Variants in MAF observed in about 807,000 individuals in gnomAD.
MAF encodes the protein transcription factor Maf.
Under a neutral mutation model 22.0 loss-of-function variants are expected in MAF, and 10 were observed. That is an observed-to-expected ratio of 0.45 (90% confidence interval 0.28 to 0.77). MAF has a LOEUF of 0.77. Among genes scored for constraint, MAF ranks in the 30% least tolerant of loss-of-function variants. The pLI is 0.12. For missense variants in MAF, 544 were observed against 548.4 expected, an observed-to-expected ratio of 0.99 and a Z score of 0.08; for synonymous variants, 337 against 255.8, an observed-to-expected ratio of 1.32 and a Z score of -3.03.
chr16:79,366,055 C>T, the MAF span, among the ~76,000 whole-genome samples: 1 of 152,108 alleles, frequency 6.6e-6, no homozygotes, highest in African/African-American at 2.4e-5. Flanking sequence ...CTCTATAAAA[C>T]CATTTAAGTT....
At chr16:79,367,001 T>G in the MAF span, among the ~76,000 whole-genome samples, 1 of 152,178 alleles carries the variant, frequency 6.6e-6, no homozygotes, top group Non-Finnish European at 1.5e-5. Context: ...TCCTAACTCC[T>G]CATGAAAATG....
At chr16:79,404,682 G>T in the MAF span, among the ~76,000 whole-genome samples, 7 of 151,622 alleles carry the variant, frequency 4.6e-5, no homozygotes, top group Non-Finnish European at 1.0e-4. Flanking sequence ...TTAACTGTGA[G>T]TGAGACTGGG....
chr16:79,573,484 C>G, the MAF span, among the ~76,000 whole-genome samples: 1 of 152,184 alleles, frequency 6.6e-6, no homozygotes, highest in Non-Finnish European at 1.5e-5. Flanking sequence ...TTTCTTCCCC[C>G]ATATCTTCTG....
chr16:79,268,192 C>T, the MAF span, among the ~76,000 whole-genome samples: 1 of 152,054 alleles, frequency 6.6e-6, no homozygotes, highest in Non-Finnish European at 1.5e-5. Flanking sequence ...GCTTCCCAGC[C>T]CTGGGGTTGG....
the MAF span, among the ~76,000 whole-genome samples, chr16:79,215,681 C>A: frequency 7.2e-5 from 11 of 152,164 alleles, no homozygotes; most frequent in Non-Finnish European, 1.5e-4. Flanking sequence ...ATCAAGATTT[C>A]CAAGTCATAT....
chr16:79,444,924 G>T, the MAF span, among the ~76,000 whole-genome samples: 2 of 152,214 alleles, frequency 1.3e-5, no homozygotes, highest in East Asian at 3.8e-4. Flanking sequence ...ACACCCAACA[G>T]ATAGGAACAG....
At chr16:79,508,278 T>A in the MAF span, among the ~76,000 whole-genome samples, 1 of 152,312 alleles carries the variant, frequency 6.6e-6, no homozygotes, top group Non-Finnish European at 1.5e-5. Context: ...TCAGGTCTTC[T>A]GGCTTCTTGT....
chr16:79,352,918 G>A, the MAF span, among the ~76,000 whole-genome samples: 1 of 152,074 alleles, frequency 6.6e-6, no homozygotes, highest in African/African-American at 2.4e-5. Flanking sequence ...GAATCAAGTG[G>A]GATATGGTGC....
the MAF span, among the ~76,000 whole-genome samples, chr16:79,490,763 G>T: frequency 6.6e-6 from 1 of 152,128 alleles, no homozygotes; most frequent in Non-Finnish European, 1.5e-5. Flanking sequence ...GTTTTGTACT[G>T]AGAACAAAAC....
the MAF span, among the ~76,000 whole-genome samples, chr16:79,279,675 G>C: frequency 2.0e-5 from 3 of 152,176 alleles, no homozygotes; most frequent in African/African-American, 7.2e-5. Context: ...ACCGTGGCCA[G>C]TTCCTCTCCT....
the MAF span, among the ~76,000 whole-genome samples, chr16:79,381,599 G>T: frequency 6.6e-6 from 1 of 152,176 alleles, no homozygotes; most frequent in East Asian, 1.9e-4. Flanking sequence ...CCTGGCCCTG[G>T]GAGAGTCGGG....
At chr16:79,345,305 A>T in the MAF span, among the ~76,000 whole-genome samples, 3 of 152,208 alleles carry the variant, frequency 2.0e-5, no homozygotes, top group Non-Finnish European at 4.4e-5. Context: ...GCTCAAAATC[A>T]ATTTTGTTTA....
At chr16:79,560,849 G>A in the MAF span, among the ~76,000 whole-genome samples, 62 of 152,312 alleles carry the variant, frequency 4.1e-4, no homozygotes, top group Middle Eastern at 3.4e-3. Context: ...CTTCAGTGAC[G>A]AGGTGTGGCG....
At chr16:79,576,789 T>A in the MAF span, among the ~76,000 whole-genome samples, 1 of 152,136 alleles carries the variant, frequency 6.6e-6, no homozygotes, top group East Asian at 1.9e-4. Flanking sequence ...TACATTATCA[T>A]ATTTAATCCA....
the MAF span, among the ~76,000 whole-genome samples, chr16:79,367,857 T>A: frequency 6.6e-6 from 1 of 152,250 alleles, no homozygotes; most frequent in Non-Finnish European, 1.5e-5. Context: ...CTTCTGCAAG[T>A]CCTGTGCATA....
the MAF span, among the ~76,000 whole-genome samples, chr16:79,235,841 G>T: frequency 6.0e-4 from 92 of 152,146 alleles, 1 homozygote; most frequent in Non-Finnish European, 1.1e-3. Flanking sequence ...GGTTGTTATT[G>T]TCTTAACTAT....
At chr16:79,512,765 G>A in the MAF span, among the ~76,000 whole-genome samples, 2 of 152,306 alleles carry the variant, frequency 1.3e-5, no homozygotes, top group South Asian at 4.1e-4. Flanking sequence ...AAAAAATGTG[G>A]GTTTGCTGGT....
chr16:79,528,002 G>A, the MAF span, among the ~76,000 whole-genome samples: 1 of 152,110 alleles, frequency 6.6e-6, no homozygotes, highest in African/African-American at 2.4e-5. Flanking sequence ...AATTAGCCGG[G>A]CGTGTTGGTG....
At chr16:79,512,754 G>A in the MAF span, among the ~76,000 whole-genome samples, 1 of 152,310 alleles carries the variant, frequency 6.6e-6, no homozygotes, top group Non-Finnish European at 1.5e-5. Context: ...TTTGTGGCAG[G>A]AAAAAATGTG....
Sources: allele counts gnomAD v4.1 joint callset (sites outside exome capture counted in the v4.1 genomes callset), GRCh38; gene constraint gnomAD v4.1.1; transcripts MANE v1.5; gene names NCBI Gene and HGNC (gene_info 2026-07-23, HGNC 2026-07-21).